ABCB10: variants seen among roughly 807,000 people sequenced by gnomAD.
ABCB10 encodes ATP binding cassette subfamily B member 10.
ABCB10 carries 54 observed loss-of-function variants against 65.4 expected under a neutral mutation model. The ratio of observed to expected loss-of-function variants is 0.83; its 90% confidence interval spans 0.66 to 1.04. The LOEUF (loss-of-function observed/expected upper bound fraction) is 1.04. Ranked by LOEUF, ABCB10 falls within the 50% of genes least tolerant of loss-of-function variation. The probability of loss-of-function intolerance (pLI) is 0.00; values close to 1 mark genes in which losing one functional copy is unlikely to be tolerated. For synonymous variants in ABCB10, 418 were observed against 406.5 expected, an observed-to-expected ratio of 1.03 and a Z score of -0.34; for missense variants, 846 against 976.6, an observed-to-expected ratio of 0.87 and a Z score of 1.78.
At chr1:229,539,780 C>T (rs1006263823) in intron 5 of ABCB10, among the ~76,000 whole-genome samples, 189 bp from the exon 6 acceptor site, 13 of 152,194 alleles carry the variant, frequency 8.5e-5, no homozygotes, top group African/African-American at 3.1e-4. Context: ...AAAACAATCT[C>T]ATCACCATGA....
At chr1:229,525,510 A>C (rs1662419455) in intron 10 of ABCB10, among the ~76,000 whole-genome samples, 1 of 152,202 alleles carries the variant, frequency 6.6e-6, no homozygotes, top group African/African-American at 2.4e-5. Flanking sequence ...CAAAAACTCT[A>C]AAGATGAAAA....
At chr1:229,549,467 T>C in intron 1 of ABCB10, 33 bp from the exon 2 acceptor site, 1 of 1,595,292 alleles carries the variant, frequency 6.3e-7, no homozygotes, top group South Asian at 1.1e-5. Flanking sequence ...ATGTTCAGGT[T>C]GCTTCAGCAA....
At chr1:229,527,458 T>C (rs1662472271) in intron 8 of ABCB10, 150 bp from the exon 9 acceptor site, 1 of 677,674 alleles carries the variant, frequency 1.5e-6, no homozygotes, top group Non-Finnish European at 2.5e-6. Flanking sequence ...ACTAACATAT[T>C]TCATGAAATT....
chr1:229,548,661 T>C (rs1558128384), intron 2 of ABCB10, among the ~76,000 whole-genome samples: 2 of 150,174 alleles, frequency 1.3e-5, no homozygotes, highest in East Asian at 1.9e-4. Flanking sequence ...ATTTTCTTTT[T>C]TTTTCTTTTT....
rs1379746327 is a variant in ABCB10 at position 229,542,260 on chromosome 1, C to T, written c.1033G>A (p.Asp345Asn). 2.5e-6 allele frequency: 4 copies of T among 1,614,002 alleles called. No homozygotes were observed. In the Admixed American group the frequency reaches 6.7e-5, roughly 27 times the overall value. Residue 345 changes from aspartate (D) to asparagine (N), a missense_variant, in exon 4 of 13, where the codon GAT (aspartate) becomes AAT (asparagine). Asp to Asn is a conservative substitution (Grantham distance 23). This residue lies in a region of ABCB10 where 632 missense variants were observed against 803.2 expected (regional missense o/e 0.79). Coordinates refer to ENST00000344517, the MANE Select transcript of ABCB10 (RefSeq NM_012089.3). ...ACCTGAGTGGCTTGTGCCAGGGAAT[C>T]CTGAGTGACTTTGGTCAGTTTCCGT... ...YLRKLTKVTQ[D>N]SLAQATQLAE... is the part of the protein sequence containing the mutation.
intron 1 of ABCB10, among the ~76,000 whole-genome samples, chr1:229,551,599 TA>T (rs1436295837): frequency 6.6e-6 from 1 of 152,168 alleles, no homozygotes; most frequent in Non-Finnish European, 1.5e-5. Context: ...ATGCCTGGCT[TA>T]AAATCCCATA....
rs145517480 is a variant in ABCB10, at chr1:229,551,095, T to C, written c.518-1661A>G. Among the ~76,000 whole-genome samples, 881 of 152,266 alleles carry C rather than the reference T, an allele frequency of 5.8e-3. 4 individuals are homozygous for C. Among genetic ancestry groups the C allele is most frequent in the Non-Finnish European group, 9.6e-3 (656 of 68,024 alleles). Reference sequence around the variant, plus strand: ...CACCCAGCAAAAAGTATTACTGTTATATAACCTTAATAAAGAGTCCAGAGC... The same window carrying C: ...CACCCAGCAAAAAGTATTACTGTTACATAACCTTAATAAAGAGTCCAGAGC... On this transcript the variant is annotated intron_variant, in intron 1 of 12. Transcript: ENST00000344517.
Position 229,540,702 on chromosome 1 carries a change from T to C in ABCB10, c.1107A>G (p.Lys369=). The change falls in exon 5 of 13, where the codon AAA becomes AAG. Residue 369 remains lysine (K), a synonymous_variant. Coordinates refer to ENST00000344517, the MANE Select transcript of ABCB10 (RefSeq NM_012089.3). The part of the protein sequence containing the change: ...GNVRTVRAFG[K]EMTEIEKYAS... ...CATATTTCTCGATTTCAGTCATTTC[T>C]TTCCCAAAAGCTCGAACAGTTCTTA... The C allele has an allele frequency of 6.2e-7, 1 of 1,613,760 alleles. No individual in the cohort carries two copies. The highest frequency in any genetic ancestry group is 8.5e-7 in the Non-Finnish European group (1 of 1,180,034).
At chr1:229,539,677 T>C (rs1044583974) in intron 5 of ABCB10, 86 bp from the exon 6 acceptor site, 2 of 1,451,178 alleles carry the variant, frequency 1.4e-6, no homozygotes, top group African/African-American at 2.9e-5. Flanking sequence ...AATGTCCCTT[T>C]TTCATTCAAC....
chr1:229,538,892 A>G (rs1662779103), intron 6 of ABCB10, among the ~76,000 whole-genome samples: 1 of 152,206 alleles, frequency 6.6e-6, no homozygotes, highest in Non-Finnish European at 1.5e-5. Context: ...TTGACTGGGG[A>G]TGCATTCCTG....
In ABCB10 at chr1:229,517,379, AAAC is replaced by A. The variant is rs1480436432; in HGVS notation, c.*797_*799del. On this transcript the variant is annotated 3_prime_UTR_variant, in exon 13 of 13. Coordinates refer to ENST00000344517, the MANE Select transcript of ABCB10 (RefSeq NM_012089.3). Reference sequence around the variant, plus strand: ...GATATTTTTCAAAATACATGCCTTCAAACAACTTAAATGCAAAAATCATTCATT... The same window carrying A: ...GATATTTTTCAAAATACATGCCTTCAAACTTAAATGCAAAAATCATTCATT... 2.6e-5 allele frequency: 4 copies of A among 152,262 alleles called. No individual in the cohort carries two copies. Among genetic ancestry groups the A allele is most frequent in the Non-Finnish European group, 5.9e-5 (4 of 68,036 alleles). 9.4% of individuals were successfully genotyped at this position (152,262 alleles called of 1,614,324 possible). A position where few individuals can be genotyped will look rare whatever the true frequency, so the allele number is the denominator to read the frequency against.
At chr1:229,544,796 C>T (rs1214008630) in intron 3 of ABCB10, among the ~76,000 whole-genome samples, 1 of 152,124 alleles carries the variant, frequency 6.6e-6, no homozygotes, top group Admixed American at 6.6e-5. Flanking sequence ...GGATTAGTGT[C>T]CTTATAAGAG....
chr1:229,518,419 G>A lies in ABCB10; in HGVS notation c.1986-9C>T, dbSNP rs1449795088. The stretch of plus-strand genomic sequence containing the variant: ...TTTCGGCATCCAGCGCACTGACACA[G>A]GAGCACACACACAAGAAAGCAAAGA... On this transcript the variant is annotated splice_polypyrimidine_tract_variant and intron_variant, in intron 12 of 12. Coordinates refer to ENST00000344517, the MANE Select transcript of ABCB10 (RefSeq NM_012089.3). 1 of 1,611,750 alleles carries A rather than the reference G, an allele frequency of 6.2e-7. No individual in the cohort carries two copies. The highest frequency in any genetic ancestry group is 1.3e-5 in the African/African-American group (1 of 74,882).
chr1:229,554,714 A>G (rs1663200530), intron 1 of ABCB10, among the ~76,000 whole-genome samples: 1 of 152,142 alleles, frequency 6.6e-6, no homozygotes, highest in Non-Finnish European at 1.5e-5. Context: ...GAAACAATGT[A>G]TTTCTGTAGC....
At chr1:229,544,697 T>C (rs373218013) in intron 3 of ABCB10, among the ~76,000 whole-genome samples, 9 of 152,260 alleles carry the variant, frequency 5.9e-5, no homozygotes, top group East Asian at 5.8e-4. Context: ...GAAGCCTTAA[T>C]CCCCACCATG....
At chr1:229,545,525 A>C (rs1315635757) in intron 3 of ABCB10, among the ~76,000 whole-genome samples, 1 of 152,202 alleles carries the variant, frequency 6.6e-6, no homozygotes, top group Non-Finnish European at 1.5e-5. Context: ...TTTTAATTGT[A>C]TTTAGGTTTA....
At chr1:229,545,987 T>C (rs1385024623) in intron 3 of ABCB10, among the ~76,000 whole-genome samples, 8 of 152,014 alleles carry the variant, frequency 5.3e-5, no homozygotes, top group African/African-American at 1.7e-4. Flanking sequence ...CTGGCCAACA[T>C]AGTGAAACCC....
intron 10 of ABCB10, 44 bp downstream of exon 10, chr1:229,525,892 C>A (rs1363582530): frequency 3.2e-6 from 5 of 1,550,314 alleles, no homozygotes; most frequent in East Asian, 2.3e-5. Flanking sequence ...GTGAAAAGTT[C>A]TTTGGATATA....
Position 229,558,623 on chromosome 1 carries a change from C to A in ABCB10, c.30G>T (p.Arg10=). ...CGGCAGGGCTCGGTGGCTCGAGCAG[C>A]CGCAGCGGCCAGGCAGGGGGGCCTC... is the stretch of plus-strand genomic sequence containing the variant. MRGPPAWPL[R]LLEPPSPAEP... The change falls in exon 1 of 13, where the codon CGG becomes CGT. Residue 10 remains arginine (R), a synonymous_variant. Transcript: ENST00000344517. The A allele has an allele frequency of 1.4e-6, 2 of 1,409,864 alleles. No homozygotes were observed. Among genetic ancestry groups the A allele is most frequent in the Non-Finnish European group, 1.8e-6 (2 of 1,081,990 alleles). 87.3% of individuals were successfully genotyped at this position (1,409,864 alleles called of 1,614,324 possible). A position where few individuals can be genotyped will look rare whatever the true frequency, so the allele number is the denominator to read the frequency against.
Sources: allele counts gnomAD v4.1 joint callset (sites outside exome capture counted in the v4.1 genomes callset), GRCh38; gene constraint gnomAD v4.1.1; regional missense constraint gnomAD v4.1.1; transcripts MANE v1.5; gene names NCBI Gene and HGNC (gene_info 2026-07-23, HGNC 2026-07-21).